RPS6KA5: variants seen among roughly 807,000 people sequenced by gnomAD.
RPS6KA5 encodes ribosomal protein S6 kinase alpha-5.
RPS6KA5 carries 27 observed loss-of-function variants against 85.5 expected under a neutral mutation model. The observed-to-expected ratio is 0.32, with a 90% CI of 0.23 to 0.44. The LOEUF (loss-of-function observed/expected upper bound fraction) is 0.44. Among genes scored for constraint, RPS6KA5 ranks in the 20% least tolerant of loss-of-function variants. The pLI is 1.00. For missense variants in RPS6KA5, 811 were observed against 980.9 expected (o/e 0.83, Z 2.31); for synonymous variants, 334 against 348.2 (o/e 0.96, Z 0.46).
At chr14:90,926,574 G>A (rs551706345) in intron 5 of RPS6KA5, among the ~76,000 whole-genome samples, 52 of 151,720 alleles carry the variant, frequency 3.4e-4, no homozygotes, top group African/African-American at 1.2e-3. Context: ...ATAATTCACT[G>A]AGCCATACAT....
chr14:90,928,140 G>C (rs2036781463), intron 5 of RPS6KA5, among the ~76,000 whole-genome samples: 1 of 151,552 alleles, frequency 6.6e-6, no homozygotes, highest in South Asian at 2.1e-4. Context: ...ATGTTGTCCA[G>C]GCTCCTGAGC....
rs552151331 is a variant in RPS6KA5, at chr14:90,857,188, T to C, written c.*14886A>G. ...AAAAAAAAATCCACTGGATAAAGTT[T>C]CAAAAGTGGGAAAGAATAACAAAGA... On this transcript the variant is annotated 3_prime_UTR_variant, in exon 17 of 17. Transcript: ENST00000614987. 1 of 152,278 alleles carries C rather than the reference T, an allele frequency of 6.6e-6. No homozygotes were observed. Among genetic ancestry groups the C allele is most frequent in the East Asian group, 1.9e-4 (1 of 5,194 alleles). The allele number at this position is 152,278 out of a possible 1,614,324, so 9.4% of individuals were successfully genotyped here.
At chr14:91,032,815 A>G (rs143846224) in intron 1 of RPS6KA5, among the ~76,000 whole-genome samples, 148 of 152,266 alleles carry the variant, frequency 9.7e-4, no homozygotes, top group African/African-American at 3.0e-3. Flanking sequence ...CATACAACAG[A>G]AAAATAGGAA....
chr14:90,940,954 A>G (rs1308867895), intron 5 of RPS6KA5, among the ~76,000 whole-genome samples: 1 of 152,192 alleles, frequency 6.6e-6, no homozygotes, highest in Non-Finnish European at 1.5e-5. Flanking sequence ...TCTTTGGGAA[A>G]AATGTCTCTC....
chr14:91,021,462 A>G (rs1318499784), intron 1 of RPS6KA5, among the ~76,000 whole-genome samples: 2 of 152,154 alleles, frequency 1.3e-5, no homozygotes, highest in Admixed American at 1.3e-4. Context: ...GCAACACAGT[A>G]AGATCCGTCT....
At chr14:90,948,875 C>T (rs2038023585) in intron 3 of RPS6KA5, among the ~76,000 whole-genome samples, 1 of 152,118 alleles carries the variant, frequency 6.6e-6, no homozygotes, top group Admixed American at 6.5e-5. Flanking sequence ...CTTGAGTTTA[C>T]CACAATTTGA....
Position 90,899,310 on chromosome 14 carries a change from A to C in RPS6KA5, c.1473+19T>G. 1 of 1,551,352 alleles carries C rather than the reference A, an allele frequency of 6.4e-7. No individual in the cohort carries two copies. Among genetic ancestry groups the C allele is most frequent in the South Asian group, 1.2e-5 (1 of 86,006 alleles). On this transcript the variant is annotated intron_variant, in intron 12 of 16. Coordinates refer to ENST00000614987, the MANE Select transcript of RPS6KA5 (RefSeq NM_004755.4). Reference sequence around the variant, plus strand: ...TGAATTAGTACACATGGGAAAAAAAAAAAAAAAAAGTAGGATACCTGATCA... The same window carrying C: ...TGAATTAGTACACATGGGAAAAAAACAAAAAAAAAGTAGGATACCTGATCA...
Position 90,873,730 on chromosome 14 carries a change from G to C in RPS6KA5, c.2062C>G (p.Gln688Glu). ...MSGLRYNEWLQDGSQLSSNPL... is the reference protein window; with the variant it reads ...MSGLRYNEWLEDGSQLSSNPL... ...TTGGAGGACAGCTGACTTCCATCTTGTAGCCATTCATTGTACCTCAAGCCA... is the reference window on the plus strand; with the variant it reads ...TTGGAGGACAGCTGACTTCCATCTTCTAGCCATTCATTGTACCTCAAGCCA... The change falls in exon 16 of 17, where the codon CAA becomes GAA. Residue 688 changes from glutamine (Q) to glutamate (E), a missense_variant. This residue lies in a region of RPS6KA5 where 650 missense variants were observed against 793.4 expected (regional missense o/e 0.82). Transcript: ENST00000614987. The C allele has an allele frequency of 6.2e-7, 1 of 1,614,062 alleles. No homozygotes were observed. The highest frequency in any genetic ancestry group is 1.3e-5 in the African/African-American group (1 of 75,028).
chr14:90,908,239 C>G (rs966629003), intron 7 of RPS6KA5, among the ~76,000 whole-genome samples: 1 of 152,200 alleles, frequency 6.6e-6, no homozygotes, highest in African/African-American at 2.4e-5. Flanking sequence ...AAGAAGAACA[C>G]AAGGAGACCA....
At chr14:91,044,289 GAGAGAAAGAGAGAGAA>G (rs748799386) in intron 1 of RPS6KA5, among the ~76,000 whole-genome samples, 2,670 of 41,586 alleles carry the variant, frequency 0.064, 53 homozygotes, top group Middle Eastern at 0.1. Flanking sequence ...AAGAGAGAGA[GAGAGAAAGAGAGAGAA>G]AGAGAGAGAG....
chr14:90,960,023 C>T (rs2038716001), intron 3 of RPS6KA5, among the ~76,000 whole-genome samples: 1 of 152,178 alleles, frequency 6.6e-6, no homozygotes, highest in Admixed American at 6.5e-5. Context: ...GCATGCCCAC[C>T]AGTGCCACAC....
chr14:90,990,424 C>T (rs2040253759), intron 2 of RPS6KA5, among the ~76,000 whole-genome samples: 1 of 152,142 alleles, frequency 6.6e-6, no homozygotes, highest in Admixed American at 6.5e-5. Flanking sequence ...TTATACACTG[C>T]TAGTGGGAAT....
At chr14:90,884,233 T>A (rs2140170879) in intron 14 of RPS6KA5, among the ~76,000 whole-genome samples, 1 of 152,268 alleles carries the variant, frequency 6.6e-6, no homozygotes, top group African/African-American at 2.4e-5. Flanking sequence ...TAGGAATACG[T>A]GCATGGCTGT....
At chr14:90,914,744 G>A (rs1461356028) in intron 7 of RPS6KA5, among the ~76,000 whole-genome samples, 1 of 152,210 alleles carries the variant, frequency 6.6e-6, no homozygotes, top group African/African-American at 2.4e-5. Flanking sequence ...AATGAAGAAA[G>A]GAAAGAAGAT....
intron 2 of RPS6KA5, among the ~76,000 whole-genome samples, chr14:90,981,720 T>A (rs780454659): frequency 6.6e-6 from 1 of 152,242 alleles, no homozygotes; most frequent in Admixed American, 6.5e-5. Flanking sequence ...CTTTTATAAT[T>A]GCCATGATTA....
chr14:90,945,556 C>T (rs902636409), intron 4 of RPS6KA5, among the ~76,000 whole-genome samples: 26 of 152,080 alleles, frequency 1.7e-4, no homozygotes, highest in Admixed American at 1.2e-3. Context: ...GCTGGCTTTG[C>T]GTTATATTTA....
intron 4 of RPS6KA5, among the ~76,000 whole-genome samples, chr14:90,944,397 C>T (rs2037757334): frequency 6.6e-6 from 1 of 152,156 alleles, no homozygotes; most frequent in Non-Finnish European, 1.5e-5. Context: ...AGGAGGGTCA[C>T]TTGAATCTGG....
At chr14:90,887,601 G>A (rs971199783) in intron 14 of RPS6KA5, among the ~76,000 whole-genome samples, 2 of 151,800 alleles carry the variant, frequency 1.3e-5, no homozygotes, top group Non-Finnish European at 2.9e-5. Flanking sequence ...CCTAGCTGTG[G>A]TATATACATA....
At chr14:90,930,470 T>C (rs888374558) in intron 5 of RPS6KA5, among the ~76,000 whole-genome samples, 4 of 152,134 alleles carry the variant, frequency 2.6e-5, no homozygotes, top group Admixed American at 2.6e-4. Context: ...CTTCATGACA[T>C]TGGATCTGGC....
Sources: allele counts gnomAD v4.1 joint callset (sites outside exome capture counted in the v4.1 genomes callset), GRCh38; gene constraint gnomAD v4.1.1; regional missense constraint gnomAD v4.1.1; transcripts MANE v1.5; gene names NCBI Gene and HGNC (gene_info 2026-07-23, HGNC 2026-07-21).